TBL1XR1: variants seen among roughly 807,000 people sequenced by gnomAD.
TBL1XR1 encodes the protein TBL1X/Y related 1.
In TBL1XR1, 5 loss-of-function variants were observed where a neutral mutation model predicts 66.9. The ratio of observed to expected loss-of-function variants is 0.07; its 90% CI spans 0.04 to 0.16. The LOEUF is 0.16. TBL1XR1 is among the 10% of genes least tolerant of loss of function. The pLI is 1.00. For missense variants in TBL1XR1, 238 were observed against 623.2 expected, an observed-to-expected ratio of 0.38 and a Z score of 6.58; for synonymous variants, 210 against 206.0, an observed-to-expected ratio of 1.02 and a Z score of -0.17.
intron 3 of TBL1XR1, among the ~76,000 whole-genome samples, chr3:177,059,467 AAAT>A (rs1718231475): frequency 6.6e-6 from 1 of 152,232 alleles, no homozygotes; most frequent in Non-Finnish European, 1.5e-5. Flanking sequence ...CTAAATTAAA[AAAT>A]AATAGTATAT....
chr3:177,053,626 C>A (rs1049659484), intron 4 of TBL1XR1, 147 bp downstream of exon 4: 20 of 733,854 alleles, frequency 2.7e-5, no homozygotes, highest in Non-Finnish European at 4.2e-5. Context: ...GCCGGTGCAA[C>A]CTGACTACCA....
chr3:177,131,247 C>A (rs997661720), intron 1 of TBL1XR1: 19 of 644,180 alleles, frequency 2.9e-5, no homozygotes, highest in Non-Finnish European at 3.7e-5. Flanking sequence ...CATTCAAAGA[C>A]ACATAGCAAC....
chr3:177,176,876 A>T (rs574038005), intron 1 of TBL1XR1, among the ~76,000 whole-genome samples: 1 of 152,128 alleles, frequency 6.6e-6, no homozygotes, highest in South Asian at 2.1e-4. Flanking sequence ...GCTACTGACG[A>T]GGCTGAGGTG....
intron 1 of TBL1XR1, among the ~76,000 whole-genome samples, chr3:177,101,447 A>C (rs1049642836): frequency 6.6e-6 from 1 of 152,218 alleles, no homozygotes; most frequent in Non-Finnish European, 1.5e-5. Context: ...CTTAATCCCC[A>C]AATTCATATG....
intron 12 of TBL1XR1, among the ~76,000 whole-genome samples, 156 bp from the exon 13 acceptor site, chr3:177,034,481 T>C (rs1275837929): frequency 1.3e-5 from 2 of 151,764 alleles, no homozygotes; most frequent in East Asian, 3.9e-4. Flanking sequence ...TGAAATGCAA[T>C]AGGATATATT....
chr3:177,059,146 C>T (rs1718186384), intron 3 of TBL1XR1, among the ~76,000 whole-genome samples: 1 of 152,202 alleles, frequency 6.6e-6, no homozygotes, highest in African/African-American at 2.4e-5. Context: ...GAGCTCTCTT[C>T]ACTGCAGTTC....
At chr3:177,132,723 G>A (rs560217722) in intron 1 of TBL1XR1, among the ~76,000 whole-genome samples, 1 of 152,276 alleles carries the variant, frequency 6.6e-6, no homozygotes, top group South Asian at 2.1e-4. Context: ...CCAGGGATAG[G>A]CTCTAAGGAA....
intron 3 of TBL1XR1, among the ~76,000 whole-genome samples, chr3:177,057,097 C>T (rs539771382): frequency 6.6e-6 from 1 of 152,316 alleles, no homozygotes; most frequent in Admixed American, 6.5e-5. Context: ...CCAGTCTCAT[C>T]TCAATACTAC....
chr3:177,038,939 G>GC (rs1715192197), intron 10 of TBL1XR1, among the ~76,000 whole-genome samples: 1 of 152,076 alleles, frequency 6.6e-6, no homozygotes, highest in African/African-American at 2.4e-5. Flanking sequence ...CACAAGTTGA[G>GC]CACCCCAATC....
In TBL1XR1 at chr3:177,094,619, C is replaced by T. The variant is rs532822498; in HGVS notation, c.-46+3847G>A. On this transcript the variant is annotated intron_variant, in intron 2 of 15. Transcript: ENST00000457928. ...GAAATTGTGGTATGTGTATATACAC[C>T]ATGGAATACTATTCAGTCACAAAAA... Among the ~76,000 whole-genome samples, 7 of 152,252 alleles carry T rather than the reference C, an allele frequency of 4.6e-5. No individual in the cohort carries two copies. In the East Asian group the frequency reaches 1.3e-3, roughly 29 times the overall value.
intron 2 of TBL1XR1, among the ~76,000 whole-genome samples, chr3:177,092,073 A>C (rs1418700411): frequency 6.6e-6 from 1 of 152,206 alleles, no homozygotes; most frequent in Non-Finnish European, 1.5e-5. Flanking sequence ...CAAGTGTTTC[A>C]GATTTTGAAA....
chr3:177,026,651 T>G, intron 14 of TBL1XR1, 177 bp from the exon 15 acceptor site: 2 of 535,734 alleles, frequency 3.7e-6, no homozygotes, highest in Non-Finnish European at 6.4e-6. Flanking sequence ...TACAAAAAGA[T>G]AATACCAGCC....
chr3:177,153,495 A>G (rs937611978), intron 1 of TBL1XR1, among the ~76,000 whole-genome samples: 5 of 152,254 alleles, frequency 3.3e-5, no homozygotes, highest in African/African-American at 9.6e-5. Context: ...TGCACAGCAA[A>G]AATAGTACAT....
rs1026237481 is a variant in TBL1XR1, at chr3:177,094,786, A to G, written c.-46+3680T>C. Among the ~76,000 whole-genome samples the G allele has an allele frequency of 8.5e-5, 13 of 152,128 alleles. 1 individual carries two copies. Among genetic ancestry groups the G allele is most frequent in the Admixed American group, 2.0e-4 (3 of 15,280 alleles). ...GAAGCTATGAGGAGGATGCAATAGC[A>G]TAAGAATATACAATGGACCTTGTGG... On this transcript the variant is annotated intron_variant, in intron 2 of 15. Transcript: ENST00000457928.
rs531190947 is a variant in TBL1XR1, at chr3:177,053,743, A to T, written c.204+30T>A. 58 of 1,597,168 alleles carry T rather than the reference A, an allele frequency of 3.6e-5. 1 individual carries two copies. In the South Asian group the frequency reaches 6.3e-4, roughly 17 times the overall value. On this transcript the variant is annotated intron_variant, in intron 4 of 15. Transcript: ENST00000457928. The stretch of plus-strand genomic sequence containing the variant: ...CTTAACGGCATATTTAAGATGAAAA[A>T]AATCAGTATTTGAAATAAGTCTTCC...
chr3:177,183,334 C>A (rs749333688), intron 1 of TBL1XR1, among the ~76,000 whole-genome samples: 4 of 152,120 alleles, frequency 2.6e-5, no homozygotes, highest in Non-Finnish European at 5.9e-5. Flanking sequence ...TTCCTGATAA[C>A]CCTTCAGTTA....
chr3:177,034,409 T>C (rs1357656495), intron 12 of TBL1XR1, 84 bp from the exon 13 acceptor site: 3 of 1,030,072 alleles, frequency 2.9e-6, no homozygotes, highest in East Asian at 5.7e-5. Flanking sequence ...TAAAATATTA[T>C]ATGGACAGTC....
intron 7 of TBL1XR1, chr3:177,047,879 G>A: frequency 3.9e-6 from 1 of 253,690 alleles, no homozygotes; most frequent in East Asian, 7.7e-5. Context: ...GTGGTGGACT[G>A]GGAAGAACAT....
chr3:177,060,069 C>T (rs1431259074), intron 3 of TBL1XR1, among the ~76,000 whole-genome samples: 8 of 152,122 alleles, frequency 5.3e-5, no homozygotes, highest in Middle Eastern at 3.2e-3. Context: ...GTTGGCTTCC[C>T]GCCTTTTGAG....
Sources: gnomAD v4.1 joint callset for allele counts (sites outside exome capture counted in the v4.1 genomes callset) on GRCh38, gnomAD v4.1.1 for gene constraint, MANE v1.5 for transcripts, NCBI Gene and HGNC (gene_info 2026-07-23, HGNC 2026-07-21) for gene names.